Variants in ANO3 observed in about 807,000 individuals in gnomAD.
ANO3 encodes anoctamin 3, also known as anoctamin-3.
A neutral mutation model predicts 144.8 loss-of-function variants in ANO3; 99 were observed. The ratio of observed to expected loss-of-function variants is 0.68; its 90% CI spans 0.58 to 0.81. ANO3 has a LOEUF of 0.81. Ranked by LOEUF, ANO3 falls within the 30% of genes least tolerant of loss-of-function variation. The pLI, the probability that ANO3 is intolerant of heterozygous loss-of-function variation, is 0.00. For synonymous variants in ANO3, 414 were observed against 392.6 expected (o/e 1.05, Z -0.64); for missense variants, 905 against 1,202.2 (o/e 0.75, Z 3.66).
At chr11:26,497,328 A>T (rs976783431) in intron 4 of ANO3, among the ~76,000 whole-genome samples, 23 of 151,934 alleles carry the variant, frequency 1.5e-4, no homozygotes, top group African/African-American at 5.3e-4. Context: ...ATAAATATAC[A>T]AATGTACTTT....
At chr11:26,483,561 T>C (rs879276246) in intron 4 of ANO3, among the ~76,000 whole-genome samples, 1 of 152,150 alleles carries the variant, frequency 6.6e-6, no homozygotes, top group Admixed American at 6.5e-5. Context: ...CCTTCTACCA[T>C]GATTGTAAGT....
At chr11:26,649,455 T>G (rs1187523102) in intron 24 of ANO3, among the ~76,000 whole-genome samples, 1 of 152,154 alleles carries the variant, frequency 6.6e-6, no homozygotes, top group Non-Finnish European at 1.5e-5. Context: ...TAAGAAATGT[T>G]CGGCCGGGCG....
At chr11:26,272,148 C>T (rs12278192) in intron 1 of ANO3, among the ~76,000 whole-genome samples, 2 of 151,788 alleles carry the variant, frequency 1.3e-5, no homozygotes, top group East Asian at 1.9e-4. Flanking sequence ...GTTCTTGCAT[C>T]GCTTTCATCA....
intron 1 of ANO3, among the ~76,000 whole-genome samples, chr11:26,221,983 C>T (rs1852155080): frequency 6.6e-6 from 1 of 152,138 alleles, no homozygotes; most frequent in African/African-American, 2.4e-5. Context: ...CCCCTGAACC[C>T]CTAAATTTTA....
chr11:26,514,594 C>T (rs1861792087), intron 5 of ANO3, among the ~76,000 whole-genome samples: 1 of 152,016 alleles, frequency 6.6e-6, no homozygotes, highest in Admixed American at 6.6e-5. Context: ...TCATTTATAG[C>T]ATGTGATTTC....
intron 13 of ANO3, 111 bp downstream of exon 13, chr11:26,553,456 A>G (rs2134230536): frequency 3.2e-6 from 2 of 618,526 alleles, no homozygotes; most frequent in South Asian, 2.9e-5. Flanking sequence ...AAGAGTTTCA[A>G]CCTTAATAAG....
intron 24 of ANO3, among the ~76,000 whole-genome samples, chr11:26,655,394 A>G (rs977468032): frequency 6.6e-6 from 1 of 152,150 alleles, no homozygotes; most frequent in African/African-American, 2.4e-5. Context: ...CCTAGGAAGG[A>G]CTTTTCTCTC....
At chr11:26,376,392 C>T (rs1024180835) in intron 1 of ANO3, among the ~76,000 whole-genome samples, 1 of 152,120 alleles carries the variant, frequency 6.6e-6, no homozygotes, top group African/African-American at 2.4e-5. Context: ...AGGAACTTTA[C>T]ATTTCACATT....
intron 1 of ANO3, among the ~76,000 whole-genome samples, chr11:26,432,995 A>T (rs749774361): frequency 2.6e-5 from 4 of 152,138 alleles, no homozygotes; most frequent in Non-Finnish European, 4.4e-5. Flanking sequence ...TTTGTGAAGT[A>T]TGGCCATTTC....
At chr11:26,395,755 A>G (rs1207533256) in intron 1 of ANO3, among the ~76,000 whole-genome samples, 3 of 152,168 alleles carry the variant, frequency 2.0e-5, no homozygotes, top group Non-Finnish European at 4.4e-5. Context: ...CAGAAAACTG[A>G]AACTGGACCC....
chr11:26,204,918 G>C (rs928802552), intron 1 of ANO3, among the ~76,000 whole-genome samples: 1 of 152,054 alleles, frequency 6.6e-6, no homozygotes, highest in Non-Finnish European at 1.5e-5. Context: ...AGAAATACTC[G>C]AGACTGGGTA....
intron 3 of ANO3, among the ~76,000 whole-genome samples, chr11:26,461,288 G>T (rs1859387159): frequency 6.6e-6 from 1 of 152,042 alleles, no homozygotes; most frequent in Admixed American, 6.6e-5. Context: ...TTCACGCTTA[G>T]GTAACAGTTC....
intron 4 of ANO3, among the ~76,000 whole-genome samples, chr11:26,490,256 A>T (rs921453969): frequency 6.6e-6 from 1 of 152,148 alleles, no homozygotes; most frequent in Non-Finnish European, 1.5e-5. Context: ...TGCTACTGCC[A>T]TGCCTTTTGC....
chr11:26,521,894 A>G (rs370973297), intron 6 of ANO3, among the ~76,000 whole-genome samples: 1 of 152,192 alleles, frequency 6.6e-6, no homozygotes, highest in East Asian at 1.9e-4. Flanking sequence ...TTTGTAAAAC[A>G]TTAAGAGCGG....
At chr11:26,321,870 CTTTA>C (rs935701559) in intron 1 of ANO3, among the ~76,000 whole-genome samples, 8 of 151,846 alleles carry the variant, frequency 5.3e-5, no homozygotes, top group African/African-American at 1.7e-4. Flanking sequence ...GAAGCTTTAT[CTTTA>C]TTTGTGAGAA....
At chr11:26,286,951 T>G (rs1271916002) in intron 1 of ANO3, among the ~76,000 whole-genome samples, 1 of 152,188 alleles carries the variant, frequency 6.6e-6, no homozygotes, top group East Asian at 1.9e-4. Context: ...GACATTCAGA[T>G]TTTTGCAGGA....
intron 1 of ANO3, among the ~76,000 whole-genome samples, chr11:26,224,034 A>C (rs960774278): frequency 5.9e-5 from 9 of 152,150 alleles, no homozygotes; most frequent in African/African-American, 2.2e-4. Context: ...GTTTTGGCTA[A>C]GTTGGTGTAA....
chr11:26,591,602 G>A (rs1230535542), intron 14 of ANO3, among the ~76,000 whole-genome samples: 4 of 152,130 alleles, frequency 2.6e-5, no homozygotes, highest in Non-Finnish European at 4.4e-5. Context: ...AATATTTCTG[G>A]GAAGCCACAT....
chr11:26,415,610 T>G (rs1157827181), intron 1 of ANO3, among the ~76,000 whole-genome samples: 1 of 152,094 alleles, frequency 6.6e-6, no homozygotes, highest in Non-Finnish European at 1.5e-5. Flanking sequence ...ATGTCCTTAT[T>G]TATTGTTCCA....
Sources: gnomAD v4.1 joint callset for allele counts (sites outside exome capture counted in the v4.1 genomes callset) on GRCh38, gnomAD v4.1.1 for gene constraint, MANE v1.5 for transcripts, NCBI Gene and HGNC (gene_info 2026-07-23, HGNC 2026-07-21) for gene names.